ALK: variants seen among roughly 807,000 people sequenced by gnomAD.
ALK encodes the protein ALK receptor tyrosine kinase.
A neutral mutation model predicts 163.1 loss-of-function variants in ALK; 74 were observed. The ratio of observed to expected loss-of-function variants is 0.45; its 90% CI spans 0.38 to 0.55. ALK has a LOEUF of 0.55. ALK is among the 20% of genes least tolerant of loss of function. The probability of loss-of-function intolerance (pLI) is 0.00; values close to 1 mark genes in which losing one functional copy is unlikely to be tolerated. For missense variants in ALK, 2,063 were observed against 2,105.3 expected (o/e 0.98, Z 0.39); for synonymous variants, 960 against 843.2 (o/e 1.14, Z -2.40).
At chr2:29,836,153 A>G (rs1017594026) in intron 1 of ALK, among the ~76,000 whole-genome samples, 1 of 152,142 alleles carries the variant, frequency 6.6e-6, no homozygotes, top group Non-Finnish European at 1.5e-5. Flanking sequence ...ACTTCTTTTA[A>G]TAAGTCCCTT....
chr2:29,443,994 C>G (rs1027600073), intron 4 of ALK, among the ~76,000 whole-genome samples: 1 of 152,134 alleles, frequency 6.6e-6, no homozygotes, highest in African/African-American at 2.4e-5. Flanking sequence ...TTGTTACGCC[C>G]AATTTGCAAA....
At chr2:29,660,018 C>T (rs1677303178) in intron 3 of ALK, among the ~76,000 whole-genome samples, 1 of 152,150 alleles carries the variant, frequency 6.6e-6, no homozygotes, top group Admixed American at 6.6e-5. Flanking sequence ...AAGTGATACC[C>T]CACTTTCGGG....
At chr2:29,654,864 T>C (rs540289730) in intron 3 of ALK, among the ~76,000 whole-genome samples, 2 of 152,108 alleles carry the variant, frequency 1.3e-5, no homozygotes, top group Admixed American at 6.5e-5. Context: ...CCAGAATCAA[T>C]CCATTTAAAA....
chr2:29,386,379 G>A (rs1230159756), intron 4 of ALK, among the ~76,000 whole-genome samples: 1 of 152,118 alleles, frequency 6.6e-6, no homozygotes, highest in Non-Finnish European at 1.5e-5. Flanking sequence ...GAGGGCTTTC[G>A]GTTTAAATGA....
chr2:29,243,662 T>C (rs1664580924), intron 12 of ALK, among the ~76,000 whole-genome samples: 1 of 152,214 alleles, frequency 6.6e-6, no homozygotes, highest in Non-Finnish European at 1.5e-5. Context: ...AGGGCAGCCT[T>C]AGCTCTTCTG....
At chr2:29,279,057 T>G (rs1455688961) in intron 9 of ALK, among the ~76,000 whole-genome samples, 1 of 152,164 alleles carries the variant, frequency 6.6e-6, no homozygotes, top group Non-Finnish European at 1.5e-5. Flanking sequence ...CCCCTCTCTG[T>G]GCCTTCCTTC....
At chr2:29,510,891 T>G (rs1304873660) in intron 4 of ALK, among the ~76,000 whole-genome samples, 1 of 152,116 alleles carries the variant, frequency 6.6e-6, no homozygotes, top group Non-Finnish European at 1.5e-5. Flanking sequence ...ACCACTCATG[T>G]TCTCTAGCTG....
At chr2:29,395,902 C>A (rs1313799613) in intron 4 of ALK, among the ~76,000 whole-genome samples, 3 of 152,212 alleles carry the variant, frequency 2.0e-5, no homozygotes, top group African/African-American at 7.2e-5. Flanking sequence ...CTTCATTGAA[C>A]CTAAGCATAA....
chr2:29,682,705 G>C (rs1678113151), intron 3 of ALK, among the ~76,000 whole-genome samples: 1 of 152,236 alleles, frequency 6.6e-6, no homozygotes. Flanking sequence ...TGTTGCAGAA[G>C]TAAATTTAAT....
intron 1 of ALK, among the ~76,000 whole-genome samples, chr2:29,776,685 T>A (rs1402474543): frequency 1.3e-5 from 2 of 152,142 alleles, no homozygotes; most frequent in African/African-American, 2.4e-5. Flanking sequence ...TAATCCCAAC[T>A]ACTCAGGAGG....
chr2:29,762,954 A>G (rs2541181), intron 1 of ALK, among the ~76,000 whole-genome samples: 109,972 of 151,870 alleles, frequency 0.72, 43,868 homozygotes, highest in Non-Finnish European at 0.9. Flanking sequence ...GAGCGTGGTG[A>G]TGTATGCCTA....
chr2:29,257,648 C>T (rs112390292), intron 11 of ALK, among the ~76,000 whole-genome samples: 12 of 152,262 alleles, frequency 7.9e-5, no homozygotes, highest in African/African-American at 2.9e-4. Flanking sequence ...GTGTATTGTA[C>T]CACGGAAGAG....
chr2:29,841,096 A>G (rs1185282743), intron 1 of ALK, among the ~76,000 whole-genome samples: 1 of 152,054 alleles, frequency 6.6e-6, no homozygotes, highest in African/African-American at 2.4e-5. Context: ...ATTCGGCCAG[A>G]TTTTTCTGAA....
At chr2:29,875,852 C>A (rs1666691647) in intron 1 of ALK, among the ~76,000 whole-genome samples, 2 of 152,102 alleles carry the variant, frequency 1.3e-5, no homozygotes, top group African/African-American at 4.8e-5. Context: ...TTTATTGGTT[C>A]CAAGTCTTTG....
At chr2:29,608,191 C>T (rs1675593075) in intron 3 of ALK, among the ~76,000 whole-genome samples, 1 of 152,154 alleles carries the variant, frequency 6.6e-6, no homozygotes, top group Non-Finnish European at 1.5e-5. Context: ...TCCCAGTGCT[C>T]CCTTGCCATG....
At chr2:29,236,178 T>C (rs1664376508) in intron 13 of ALK, among the ~76,000 whole-genome samples, 1 of 152,118 alleles carries the variant, frequency 6.6e-6, no homozygotes, top group Admixed American at 6.5e-5. Context: ...GGAGATTTGC[T>C]GGGCTATACT....
At chr2:29,347,353 TGGA>T (rs538640348) in intron 5 of ALK, among the ~76,000 whole-genome samples, 163 of 152,296 alleles carry the variant, frequency 1.1e-3, no homozygotes, top group African/African-American at 3.4e-3. Context: ...ACTGGGCTGA[TGGA>T]GGAGGTGAAC....
intron 5 of ALK, among the ~76,000 whole-genome samples, chr2:29,338,246 T>C (rs1389091688): frequency 1.3e-5 from 2 of 152,286 alleles, no homozygotes; most frequent in East Asian, 3.9e-4. Context: ...ATTTCCAACA[T>C]AAATAATAGC....
intron 1 of ALK, among the ~76,000 whole-genome samples, chr2:29,729,563 G>A (rs865810771): frequency 2.6e-5 from 4 of 152,166 alleles, no homozygotes; most frequent in Non-Finnish European, 2.9e-5. Context: ...CCACCATACA[G>A]ACGAGCACCC....
Sources: allele counts gnomAD v4.1 joint callset (sites outside exome capture counted in the v4.1 genomes callset), GRCh38; gene constraint gnomAD v4.1.1; transcripts MANE v1.5; gene names NCBI Gene and HGNC (gene_info 2026-07-23, HGNC 2026-07-21).